Variants in NRXN3 observed in about 807,000 individuals in gnomAD.
The protein encoded by NRXN3 is neurexin 3.
Under a neutral mutation model 137.6 loss-of-function variants are expected in NRXN3, and 32 were observed. That is an observed-to-expected ratio of 0.23 (90% CI 0.18 to 0.31). The LOEUF (loss-of-function observed/expected upper bound fraction) is 0.31, where lower values mean the gene tolerates loss of function less well. Ranked by LOEUF, NRXN3 falls within the 10% of genes least tolerant of loss-of-function variation. NRXN3 has a pLI of 1.00. For missense variants in NRXN3, 1,574 were observed against 2,062.5 expected (o/e 0.76, Z 4.59); for synonymous variants, 798 against 784.5 (o/e 1.02, Z -0.29).
intron 15 of NRXN3, among the ~76,000 whole-genome samples, chr14:79,462,930 A>G (rs78822973): frequency 0.021 from 733 of 34,770 alleles, 41 homozygotes; most frequent in East Asian, 0.19. Context: ...GTATGTATAT[A>G]TTATTTGTAT....
chr14:79,218,817 TTAGG>T (rs2068992584), intron 15 of NRXN3, among the ~76,000 whole-genome samples: 1 of 152,060 alleles, frequency 6.6e-6, no homozygotes, highest in African/African-American at 2.4e-5. Flanking sequence ...AGACGACTGA[TTAGG>T]TAAGCCAGGA....
chr14:79,553,185 C>A lies in NRXN3; in HGVS notation c.3444+85783C>A, dbSNP rs538459000. 1.2e-4 allele frequency among the ~76,000 whole-genome samples: 18 copies of A among 152,038 alleles called. No homozygotes were observed. In the South Asian group the frequency reaches 3.5e-3, roughly 30 times the overall value. The stretch of plus-strand genomic sequence containing the variant: ...TGGGGTATCATTTTCTGAGCCTCAA[C>A]AATTGTCATGAAGATTGAGTATGAT... On this transcript the variant is annotated intron_variant, in intron 16 of 20. Coordinates refer to ENST00000335750, the MANE Select transcript of NRXN3 (RefSeq NM_001330195.2).
intron 4 of NRXN3, among the ~76,000 whole-genome samples, chr14:78,550,373 G>T (rs1057348189): frequency 6.6e-6 from 1 of 151,996 alleles, no homozygotes; most frequent in African/African-American, 2.4e-5. Context: ...CTTTCTCTTG[G>T]TTTCTCCTTG....
chr14:78,502,799 A>G (rs1367800892), intron 4 of NRXN3, among the ~76,000 whole-genome samples: 2 of 152,174 alleles, frequency 1.3e-5, no homozygotes, highest in South Asian at 2.1e-4. Context: ...AAAGTGCTCA[A>G]ACACGGAGAT....
chr14:78,790,840 T>G (rs2098803191), intron 8 of NRXN3, among the ~76,000 whole-genome samples: 1 of 152,310 alleles, frequency 6.6e-6, no homozygotes, highest in Non-Finnish European at 1.5e-5. Flanking sequence ...CTTGATATGC[T>G]AAGAGCAAAA....
intron 16 of NRXN3, among the ~76,000 whole-genome samples, chr14:79,536,816 T>C (rs1458011985): frequency 6.6e-6 from 1 of 152,158 alleles, no homozygotes; most frequent in Non-Finnish European, 1.5e-5. Flanking sequence ...TGCATAGTAT[T>C]CCATGGTATC....
chr14:79,844,644 T>C (rs2099363268), intron 20 of NRXN3, among the ~76,000 whole-genome samples: 2 of 152,166 alleles, frequency 1.3e-5, no homozygotes, highest in Non-Finnish European at 2.9e-5. Context: ...AACAATGGAC[T>C]TAAAATATTT....
intron 2 of NRXN3, among the ~76,000 whole-genome samples, chr14:78,249,863 T>G (rs2068309761): frequency 6.6e-6 from 1 of 151,668 alleles, no homozygotes. Context: ...TGGATAAGAG[T>G]ATGGCTGCTG....
At chr14:79,578,366 T>G (rs2097684716) in intron 16 of NRXN3, among the ~76,000 whole-genome samples, 1 of 152,098 alleles carries the variant, frequency 6.6e-6, no homozygotes, top group South Asian at 2.1e-4. Flanking sequence ...TGTCTGCGGT[T>G]TTTGGAGGTT....
chr14:78,827,685 G>A (rs925519155), intron 10 of NRXN3, among the ~76,000 whole-genome samples: 1 of 152,152 alleles, frequency 6.6e-6, no homozygotes, highest in East Asian at 1.9e-4. Context: ...ATACTGGCTT[G>A]CCTTGTTCCT....
chr14:79,720,566 T>C (rs1352939849), intron 19 of NRXN3, among the ~76,000 whole-genome samples: 3 of 152,138 alleles, frequency 2.0e-5, no homozygotes, highest in Non-Finnish European at 4.4e-5. Context: ...CTCGATGTTC[T>C]GGACCTCTAG....
intron 15 of NRXN3, among the ~76,000 whole-genome samples, chr14:79,076,913 T>C (rs1256265032): frequency 6.6e-6 from 1 of 152,176 alleles, no homozygotes; most frequent in Non-Finnish European, 1.5e-5. Flanking sequence ...CATTGCCTGG[T>C]GCATTGTGGG....
intron 10 of NRXN3, among the ~76,000 whole-genome samples, chr14:78,872,305 A>G (rs865847275): frequency 2.0e-5 from 3 of 148,022 alleles, no homozygotes; most frequent in East Asian, 1.9e-4. Flanking sequence ...ATTTTAATAT[A>G]TATATTTTAT....
chr14:78,461,710 G>A (rs2153719216), intron 4 of NRXN3, among the ~76,000 whole-genome samples: 1 of 152,338 alleles, frequency 6.6e-6, no homozygotes, highest in African/African-American at 2.4e-5. Flanking sequence ...TGTTTTAAGA[G>A]TGCAGGGTGG....
chr14:78,580,173 A>G (rs1600786383), intron 4 of NRXN3, among the ~76,000 whole-genome samples: 1 of 152,126 alleles, frequency 6.6e-6, no homozygotes, highest in East Asian at 1.9e-4. Context: ...CTCCTGCCAC[A>G]GAGAAGGAGC....
At chr14:79,747,055 T>C (rs1357080712) in intron 19 of NRXN3, among the ~76,000 whole-genome samples, 1 of 152,102 alleles carries the variant, frequency 6.6e-6, no homozygotes, top group Non-Finnish European at 1.5e-5. Context: ...TCTCAGCAGT[T>C]GATGCCAAGT....
intron 4 of NRXN3, among the ~76,000 whole-genome samples, chr14:78,335,253 T>C (rs2081323490): frequency 6.6e-6 from 1 of 152,230 alleles, no homozygotes; most frequent in Admixed American, 6.5e-5. Context: ...AAAAAGGCTG[T>C]TGCATTATTT....
intron 15 of NRXN3, among the ~76,000 whole-genome samples, chr14:79,108,117 T>C (rs143247741): frequency 7.9e-5 from 12 of 152,280 alleles, no homozygotes; most frequent in African/African-American, 1.4e-4. Flanking sequence ...AGTGTGTATA[T>C]GTATATTAAT....
chr14:78,554,743 G>T (rs773459339), intron 4 of NRXN3, among the ~76,000 whole-genome samples: 1 of 152,108 alleles, frequency 6.6e-6, no homozygotes, highest in Non-Finnish European at 1.5e-5. Flanking sequence ...AGTAAACGTG[G>T]TTGCTGACAT....
Sources: allele counts gnomAD v4.1 joint callset (sites outside exome capture counted in the v4.1 genomes callset), GRCh38; gene constraint gnomAD v4.1.1; transcripts MANE v1.5; gene names NCBI Gene and HGNC (gene_info 2026-07-23, HGNC 2026-07-21).